The following NUP153 variants were observed in gnomAD, a reference collection of about 807,000 sequenced individuals.
The protein encoded by NUP153 is nucleoporin 153, also known as nuclear pore complex protein Nup153.
In NUP153, 27 loss-of-function variants were observed where a neutral mutation model predicts 134.6. That is an observed-to-expected ratio of 0.20 (90% confidence interval 0.15 to 0.28). The LOEUF (loss-of-function observed/expected upper bound fraction) is 0.28. NUP153 is among the 10% of genes least tolerant of loss of function. The pLI is 1.00. For missense variants in NUP153, 1,821 were observed against 1,731.3 expected, an observed-to-expected ratio of 1.05 and a Z score of -0.92; for synonymous variants, 640 against 623.5, an observed-to-expected ratio of 1.03 and a Z score of -0.40.
At chr6:17,656,918 A>G (rs1176047237) in intron 11 of NUP153, among the ~76,000 whole-genome samples, 9 of 151,890 alleles carry the variant, frequency 5.9e-5, no homozygotes, top group Admixed American at 5.2e-4. Context: ...GTCTGCACAG[A>G]CTCTAGTTGG....
At chr6:17,644,031 G>GT (rs1353926015) in intron 14 of NUP153, among the ~76,000 whole-genome samples, 2 of 151,570 alleles carry the variant, frequency 1.3e-5, no homozygotes, top group East Asian at 3.9e-4. Flanking sequence ...TTTCTATTAC[G>GT]TAAGGCTGTG....
chr6:17,667,481 G>A (rs535562173), intron 8 of NUP153, among the ~76,000 whole-genome samples: 8 of 152,260 alleles, frequency 5.3e-5, no homozygotes, highest in African/African-American at 1.2e-4. Context: ...TTGGGAGGCC[G>A]AGGCGGGCGG....
Position 17,706,180 on chromosome 6 carries a change from T to G in NUP153, c.111+97A>C, listed in dbSNP as rs1212267512. On this transcript the variant is annotated intron_variant, in intron 1 of 21. Transcript: ENST00000262077. This position sits in a 1 kb window ranked among gnomAD's most constrained non-coding sequence, Gnocchi z 5.9. ...ACTCGGGCCTTTCCTCAGGCCCTCC[T>G]GTCTGCTCCACGTGGGGCGCCGGGG... The G allele has an allele frequency of 1.0e-6, 1 of 983,310 alleles. No individual in the cohort carries two copies. The highest frequency in any genetic ancestry group is 2.5e-5 in the East Asian group (1 of 39,438). The allele number at this position is 983,310 out of a possible 1,614,324, so 60.9% of individuals were successfully genotyped here.
At chr6:17,620,307 T>C (rs1764584186) in intron 20 of NUP153, among the ~76,000 whole-genome samples, 1 of 152,030 alleles carries the variant, frequency 6.6e-6, no homozygotes, top group Non-Finnish European at 1.5e-5. Flanking sequence ...CATAGACCAA[T>C]GGAATAGAAT....
chr6:17,656,048 T>C (rs1329921874), intron 11 of NUP153, among the ~76,000 whole-genome samples: 1 of 151,880 alleles, frequency 6.6e-6, no homozygotes, highest in African/African-American at 2.4e-5. Context: ...CTACTAACAA[T>C]ACAAAATTTA....
At chr6:17,681,978 C>A (rs1271137211) in intron 2 of NUP153, among the ~76,000 whole-genome samples, 1 of 151,880 alleles carries the variant, frequency 6.6e-6, no homozygotes, top group African/African-American at 2.4e-5. Context: ...GAGGCTGAGG[C>A]AGGAGGATCA....
intron 2 of NUP153, among the ~76,000 whole-genome samples, chr6:17,687,826 T>C (rs1366696289): frequency 6.6e-6 from 1 of 152,100 alleles, no homozygotes; most frequent in African/African-American, 2.4e-5. Flanking sequence ...CTTTAAAGGA[T>C]AGGCTTGGCT....
chr6:17,683,181 T>C (rs1768714890), intron 2 of NUP153, among the ~76,000 whole-genome samples: 1 of 152,186 alleles, frequency 6.6e-6, no homozygotes, highest in Non-Finnish European at 1.5e-5. Context: ...CCTCCTCCTG[T>C]AAATCACAAA....
Position 17,628,794 on chromosome 6 carries a change from A to G in NUP153, c.3405T>C (p.Phe1135=). 1 of 1,614,152 alleles carries G rather than the reference A, an allele frequency of 6.2e-7. No homozygotes were observed. The highest frequency in any genetic ancestry group is 8.5e-7 in the Non-Finnish European group (1 of 1,180,024). ...EEPKCQPVFS[F]GNSEQTKDEN... Reference sequence around the variant, plus strand: ...CATCTTTGGTTTGCTCTGAATTCCCAAAGGAAAACACTGGTTGACACTTTG... The same window carrying G: ...CATCTTTGGTTTGCTCTGAATTCCCGAAGGAAAACACTGGTTGACACTTTG... Residue 1135 remains phenylalanine (F), a synonymous_variant, in exon 18 of 22, where the codon TTT becomes TTC. Transcript: ENST00000262077. The surrounding 1 kb of genome is among the most constrained non-coding windows in gnomAD (Gnocchi z 5.4).
intron 18 of NUP153, among the ~76,000 whole-genome samples, chr6:17,627,644 A>G (rs1467215195): frequency 2.6e-5 from 4 of 152,156 alleles, no homozygotes; most frequent in African/African-American, 7.2e-5. Context: ...TATAGGTGTG[A>G]GCTACGGCAC....
chr6:17,657,541 A>G (rs202022678), intron 11 of NUP153, among the ~76,000 whole-genome samples: 1 of 151,908 alleles, frequency 6.6e-6, no homozygotes, highest in East Asian at 1.9e-4. Flanking sequence ...CTGGGCAACA[A>G]ATAGAGTGAG....
At chr6:17,619,146 A>AG (rs766836011) in intron 20 of NUP153, among the ~76,000 whole-genome samples, 25 of 152,240 alleles carry the variant, frequency 1.6e-4, no homozygotes, top group Non-Finnish European at 2.2e-4. Flanking sequence ...CAAAGAGCAA[A>AG]GATCAAGACT....
intron 1 of NUP153, among the ~76,000 whole-genome samples, chr6:17,703,024 A>T (rs1279872053): frequency 8.1e-6 from 1 of 123,268 alleles, no homozygotes; most frequent in Admixed American, 8.6e-5. Flanking sequence ...AACATGGCGA[A>T]ATCCCGTCTC....
At chr6:17,691,214 C>T (rs1256487808) in intron 1 of NUP153, among the ~76,000 whole-genome samples, 1 of 152,104 alleles carries the variant, frequency 6.6e-6, no homozygotes, top group Non-Finnish European at 1.5e-5. Context: ...ATGTATTGTG[C>T]AAATTTTCAA....
At chr6:17,650,215 C>T (rs3777714) in intron 11 of NUP153, among the ~76,000 whole-genome samples, 6,199 of 152,208 alleles carry the variant, frequency 0.041, 393 homozygotes, top group East Asian at 0.29. Flanking sequence ...GGAGAGGACA[C>T]TTGGAAAATG....
intron 1 of NUP153, among the ~76,000 whole-genome samples, chr6:17,693,815 G>A (rs1769442817): frequency 6.6e-6 from 1 of 152,114 alleles, no homozygotes; most frequent in Non-Finnish European, 1.5e-5. Flanking sequence ...GAACCCAGGA[G>A]GCAGAGGTTG....
Position 17,628,575 on chromosome 6 carries a change from G to C in NUP153, c.3544+80C>G. The C allele has an allele frequency of 1.4e-6, 1 of 700,968 alleles. No homozygotes were observed. The highest frequency in any genetic ancestry group is 2.0e-6 in the Non-Finnish European group (1 of 509,044). The allele number at this position is 700,968 out of a possible 1,614,324, so 43.4% of individuals were successfully genotyped here. On this transcript the variant is annotated intron_variant, in intron 18 of 21. Coordinates refer to ENST00000262077, the MANE Select transcript of NUP153 (RefSeq NM_005124.4). The surrounding 1 kb of genome is among the most constrained non-coding windows in gnomAD (Gnocchi z 5.4). ...AGTGTAAACCATTAATTGACTTGCT[G>C]CATCTGTCAAGGCAACTTGTAAAAC... is the stretch of plus-strand genomic sequence containing the variant.
At chr6:17,658,796 T>C (rs1581716899) in intron 11 of NUP153, among the ~76,000 whole-genome samples, 1 of 152,214 alleles carries the variant, frequency 6.6e-6, no homozygotes, top group Non-Finnish European at 1.5e-5. Context: ...AAAAAGTGGA[T>C]TTTATACGAT....
At chr6:17,655,381 T>G (rs1766752460) in intron 11 of NUP153, among the ~76,000 whole-genome samples, 1 of 152,076 alleles carries the variant, frequency 6.6e-6, no homozygotes, top group Non-Finnish European at 1.5e-5. Flanking sequence ...TCATTAAAAC[T>G]AAATCTCTTC....
Sources: gnomAD v4.1 joint callset for allele counts (sites outside exome capture counted in the v4.1 genomes callset) on GRCh38, gnomAD v4.1.1 for gene constraint, Gnocchi (gnomAD v3.1) non-coding constraint, MANE v1.5 for transcripts, NCBI Gene and HGNC (gene_info 2026-07-23, HGNC 2026-07-21) for gene names.